The following WASF1 variants were observed in gnomAD, a reference collection of about 807,000 sequenced individuals.
WASF1 encodes the protein actin-binding protein WASF1.
In WASF1, 7 loss-of-function variants were observed where a neutral mutation model predicts 50.5. The observed-to-expected ratio is 0.14, with a 90% CI of 0.08 to 0.26. The LOEUF (loss-of-function observed/expected upper bound fraction) is 0.26. Ranked by LOEUF, WASF1 falls within the 10% of genes least tolerant of loss-of-function variation. The pLI is 1.00. For missense variants in WASF1, 470 were observed against 694.7 expected (o/e 0.68, Z 3.64); for synonymous variants, 205 against 244.0 (o/e 0.84, Z 1.49).
At chr6:110,103,210 CATTT>C (rs1412050652) in intron 9 of WASF1, among the ~76,000 whole-genome samples, 164 bp downstream of exon 9, 2 of 152,142 alleles carry the variant, frequency 1.3e-5, no homozygotes, top group Non-Finnish European at 2.9e-5. Context: ...CAGACACATT[CATTT>C]GTTTATGTAT....
At chr6:110,128,390 A>G (rs1774507435) in intron 3 of WASF1, among the ~76,000 whole-genome samples, 1 of 152,172 alleles carries the variant, frequency 6.6e-6, no homozygotes, top group African/African-American at 2.4e-5. Context: ...TAAAAGGATT[A>G]AGGAAGCTGT....
chr6:110,166,764 A>T lies in WASF1; in HGVS notation c.-126-6032T>A, dbSNP rs538616617. The stretch of plus-strand genomic sequence containing the variant: ...TTTACAAACTGTGCAAAGAATCTTA[A>T]CTTCTCCGTCCCTCTGTGGCTAGTC... On this transcript the variant is annotated intron_variant, in intron 2 of 10. Transcript: ENST00000392589. Among the ~76,000 whole-genome samples the T allele has an allele frequency of 1.6e-4, 25 of 151,968 alleles. 1 individual carries two copies. In the South Asian group the frequency reaches 5.0e-3, roughly 30 times the overall value.
chr6:110,144,631 A>G (rs1300722684), intron 3 of WASF1, among the ~76,000 whole-genome samples: 4 of 152,072 alleles, frequency 2.6e-5, no homozygotes, highest in African/African-American at 7.2e-5. Flanking sequence ...ATCTTGAATT[A>G]ATTTTTGTAT....
intron 3 of WASF1, among the ~76,000 whole-genome samples, chr6:110,137,681 C>T (rs993751333): frequency 6.6e-6 from 1 of 152,150 alleles, no homozygotes; most frequent in Admixed American, 6.5e-5. Context: ...GATTAACTTC[C>T]CTCTGACCTT....
intron 3 of WASF1, among the ~76,000 whole-genome samples, chr6:110,147,842 G>T (rs908564779): frequency 6.6e-6 from 1 of 152,140 alleles, no homozygotes; most frequent in Admixed American, 6.5e-5. Context: ...AACCTCCCTG[G>T]CTAAAGCAGT....
At chr6:110,141,829 T>C (rs1268143880) in intron 3 of WASF1, among the ~76,000 whole-genome samples, 7 of 151,810 alleles carry the variant, frequency 4.6e-5, no homozygotes, top group Admixed American at 2.0e-4. Flanking sequence ...TGGAGTACAA[T>C]GGCATGATCT....
chr6:110,170,309 G>A (rs180923071), intron 2 of WASF1, among the ~76,000 whole-genome samples: 9 of 152,074 alleles, frequency 5.9e-5, no homozygotes, highest in African/African-American at 1.9e-4. Context: ...TGCAAACTCC[G>A]CCTCCCAGGC....
chr6:110,168,682 G>A (rs1462189376), intron 2 of WASF1, among the ~76,000 whole-genome samples: 1 of 151,996 alleles, frequency 6.6e-6, no homozygotes, highest in East Asian at 1.9e-4. Context: ...GTACTCCACT[G>A]CCAGTACTTC....
intron 3 of WASF1, among the ~76,000 whole-genome samples, chr6:110,154,182 T>A (rs1173132949): frequency 1.3e-5 from 2 of 152,160 alleles, no homozygotes; most frequent in Admixed American, 1.3e-4. Context: ...TTCTCTAAGT[T>A]TACTTTTTTC....
chr6:110,154,897 T>G (rs1282420315), intron 3 of WASF1, among the ~76,000 whole-genome samples: 2 of 152,134 alleles, frequency 1.3e-5, no homozygotes, highest in Non-Finnish European at 2.9e-5. Context: ...AAAGTTGTCC[T>G]TGGTGAAAGT....
chr6:110,139,781 C>A (rs1007580453), intron 3 of WASF1, among the ~76,000 whole-genome samples: 1 of 152,078 alleles, frequency 6.6e-6, no homozygotes, highest in Non-Finnish European at 1.5e-5. Context: ...TAGTACTGAG[C>A]CTATATATAC....
intron 3 of WASF1, among the ~76,000 whole-genome samples, chr6:110,142,586 T>A (rs997494422): frequency 2.6e-5 from 4 of 152,094 alleles, no homozygotes; most frequent in Admixed American, 2.6e-4. Context: ...CCCAACACCA[T>A]CTTTTTCATG....
intron 8 of WASF1, among the ~76,000 whole-genome samples, 176 bp downstream of exon 8, chr6:110,105,231 G>C (rs1214927603): frequency 2.0e-5 from 3 of 152,122 alleles, no homozygotes; most frequent in East Asian, 1.9e-4. Flanking sequence ...GTATGAAAAT[G>C]ACCTGCTCAA....
rs1018494280 is a variant in WASF1 at position 110,103,310 on chromosome 6, A to G, written c.893+68T>C. 5.9e-6 allele frequency: 9 copies of G among 1,530,196 alleles called. No homozygotes were observed. In the South Asian group the frequency reaches 9.2e-5, roughly 16 times the overall value. 94.8% of individuals were successfully genotyped at this position (1,530,196 alleles called of 1,614,324 possible). A position where few individuals can be genotyped will look rare whatever the true frequency, so the allele number is the denominator to read the frequency against. The stretch of plus-strand genomic sequence containing the variant: ...GGCCCGAAAGCCAAAAATACTTACT[A>G]TATCGTCCTTGAAAGAAAAAGCTTA... On this transcript the variant is annotated intron_variant, in intron 9 of 10. Coordinates refer to ENST00000392589, the MANE Select transcript of WASF1 (RefSeq NM_003931.3).
In WASF1 at chr6:110,175,201, T is replaced by C. The variant is rs375984954; in HGVS notation, c.-127+3397A>G. ...AAATTTTTTCCTTAAAAAAATTCTA[T>C]GGAGACTGACTGGATATGATCTTTC... On this transcript the variant is annotated intron_variant, in intron 2 of 10. Transcript: ENST00000392589. Among the ~76,000 whole-genome samples the C allele has an allele frequency of 3.1e-4, 47 of 152,236 alleles. 3 individuals carry two copies. The highest frequency in any genetic ancestry group is 2.7e-3 in the East Asian group (14 of 5,178).
intron 2 of WASF1, among the ~76,000 whole-genome samples, chr6:110,164,807 G>A (rs1039196060): frequency 2.0e-5 from 3 of 151,462 alleles, no homozygotes; most frequent in Non-Finnish European, 4.4e-5. Flanking sequence ...GTATGTCCTC[G>A]AGTAGGTAAG....
At chr6:110,175,701 T>C (rs74703068) in intron 2 of WASF1, among the ~76,000 whole-genome samples, 4,987 of 152,236 alleles carry the variant, frequency 0.033, 144 homozygotes, top group South Asian at 0.12. Flanking sequence ...CCCTAACTTC[T>C]TGTCCCAGAT....
intron 3 of WASF1, among the ~76,000 whole-genome samples, chr6:110,139,973 G>A (rs1471233595): frequency 1.3e-5 from 2 of 152,080 alleles, no homozygotes; most frequent in African/African-American, 4.8e-5. Flanking sequence ...TATTTATTTG[G>A]TTGGCTTTCC....
At chr6:110,123,828 T>C (rs138525797) in intron 4 of WASF1, among the ~76,000 whole-genome samples, 1 of 152,178 alleles carries the variant, frequency 6.6e-6, no homozygotes, top group Non-Finnish European at 1.5e-5. Context: ...TTGGTAGGGA[T>C]ACAAATGCTA....
Sources: allele counts gnomAD v4.1 joint callset (sites outside exome capture counted in the v4.1 genomes callset), GRCh38; gene constraint gnomAD v4.1.1; transcripts MANE v1.5; gene names NCBI Gene and HGNC (gene_info 2026-07-23, HGNC 2026-07-21).